Variants in PREX1 observed in about 807,000 individuals in gnomAD.
PREX1 encodes the protein phosphatidylinositol 3,4,5-trisphosphate-dependent Rac exchanger 1 protein.
In PREX1, 41 loss-of-function variants were observed where a neutral mutation model predicts 198.3. The ratio of observed to expected loss-of-function variants is 0.21; its 90% CI spans 0.16 to 0.27. The LOEUF is 0.27. Ranked by LOEUF, PREX1 falls within the 10% of genes least tolerant of loss-of-function variation. The probability of loss-of-function intolerance (pLI) is 1.00; values close to 1 mark genes in which losing one functional copy is unlikely to be tolerated. For synonymous variants in PREX1, 843 were observed against 887.2 expected, an observed-to-expected ratio of 0.95 and a Z score of 0.89; for missense variants, 1,620 against 2,200.7, an observed-to-expected ratio of 0.74 and a Z score of 5.28.
At chr20:48,876,030 C>T in the PREX1 span, among the ~76,000 whole-genome samples, 1 of 152,202 alleles carries the variant, frequency 6.6e-6, no homozygotes, top group African/African-American at 2.4e-5. Flanking sequence ...TCAGATGGTT[C>T]GTAATAACTT....
At chr20:48,832,244 G>A (rs558796771), upstream of PREX1, among the ~76,000 whole-genome samples, 94 of 152,192 alleles carry the variant, frequency 6.2e-4, no homozygotes, top group Middle Eastern at 0.014. Flanking sequence ...ATACCATTTC[G>A]TTTCTGTTAC....
chr20:48,639,038 G>A (rs1389381345), intron 30 of PREX1, among the ~76,000 whole-genome samples: 1 of 152,248 alleles, frequency 6.6e-6, no homozygotes, highest in African/African-American at 2.4e-5. Flanking sequence ...CACTGTCCTG[G>A]TCAAACATCT....
chr20:48,638,430 C>T (rs1183273858), intron 30 of PREX1, among the ~76,000 whole-genome samples: 1 of 152,212 alleles, frequency 6.6e-6, no homozygotes, highest in Non-Finnish European at 1.5e-5. Flanking sequence ...GCAAAAAAAG[C>T]TCAATTCTTC....
At chr20:48,775,202 G>C (rs775894221) in intron 1 of PREX1, among the ~76,000 whole-genome samples, 1 of 152,170 alleles carries the variant, frequency 6.6e-6, no homozygotes, top group Non-Finnish European at 1.5e-5. Flanking sequence ...ATGAACAAAA[G>C]AGATGAAGCT....
At chr20:48,645,598 G>A (rs1352978808) in intron 26 of PREX1, among the ~76,000 whole-genome samples, 1 of 152,180 alleles carries the variant, frequency 6.6e-6, no homozygotes, top group Non-Finnish European at 1.5e-5. Flanking sequence ...TGTGTGGGGT[G>A]ACACTGAGGC....
intron 5 of PREX1, among the ~76,000 whole-genome samples, chr20:48,720,006 T>A (rs2089978415): frequency 6.6e-6 from 1 of 152,110 alleles, no homozygotes; most frequent in Admixed American, 6.5e-5. Context: ...TCTCTCCCTA[T>A]CCTCTTCCTT....
chr20:48,709,469 G>A (rs959166271), intron 5 of PREX1, among the ~76,000 whole-genome samples: 1 of 152,210 alleles, frequency 6.6e-6, no homozygotes, highest in Non-Finnish European at 1.5e-5. Flanking sequence ...CCCGGGCCTC[G>A]GCTTCATCAT....
chr20:48,651,187 C>A lies in PREX1; in HGVS notation c.2656-132G>T. 5.4e-6 allele frequency: 7 copies of A among 1,296,506 alleles called. No individual in the cohort carries two copies. The South Asian group carries it at 1.0e-4, about 19-fold the overall frequency. The allele number at this position is 1,296,506 out of a possible 1,614,324, so 80.3% of individuals were successfully genotyped here. A position where few individuals can be genotyped will look rare whatever the true frequency, so the allele number is the denominator to read the frequency against. On this transcript the variant is annotated intron_variant, in intron 22 of 39. Coordinates refer to ENST00000371941, the MANE Select transcript of PREX1 (RefSeq NM_020820.4). ...AGGTGTGTTGCTGGCCCATATTGCA[C>A]GGGAGTAAACTGAGGCTAAAGGGAC...
intron 21 of PREX1, among the ~76,000 whole-genome samples, chr20:48,652,372 T>C (rs2089505621): frequency 6.6e-6 from 1 of 151,232 alleles, no homozygotes; most frequent in Admixed American, 6.6e-5. Context: ...CCAGGGAGGT[T>C]GGGGCTGCAG....
intron 27 of PREX1, 60 bp from the exon 28 acceptor site, chr20:48,642,549 A>C: frequency 7.0e-7 from 1 of 1,429,626 alleles, no homozygotes; most frequent in South Asian, 1.3e-5. Flanking sequence ...CACCATCCCC[A>C]GCACTTTCCT....
chr20:48,630,188 C>T (rs986121063), intron 36 of PREX1, among the ~76,000 whole-genome samples: 1 of 152,286 alleles, frequency 6.6e-6, no homozygotes, highest in African/African-American at 2.4e-5. Context: ...CCCTAGAAAA[C>T]CAGGAGGCCA....
chr20:48,790,836 G>A (rs904128580), intron 1 of PREX1, among the ~76,000 whole-genome samples: 6 of 152,028 alleles, frequency 3.9e-5, no homozygotes, highest in Non-Finnish European at 2.9e-5. Flanking sequence ...AGCCCTCAGT[G>A]CACTCAACAC....
chr20:48,804,642 G>A (rs1457830920), intron 1 of PREX1, among the ~76,000 whole-genome samples: 1 of 152,212 alleles, frequency 6.6e-6, no homozygotes, highest in Non-Finnish European at 1.5e-5. Flanking sequence ...GGTACATGTG[G>A]AGAACCAGGG....
At chr20:48,769,191 C>T (rs2090223029) in intron 1 of PREX1, among the ~76,000 whole-genome samples, 1 of 152,190 alleles carries the variant, frequency 6.6e-6, no homozygotes, top group Non-Finnish European at 1.5e-5. Context: ...TCGCTGCCTC[C>T]CAACCCTGCT....
chr20:48,642,274 C>T lies in PREX1; in HGVS notation c.3685-16G>A. On this transcript the variant is annotated splice_polypyrimidine_tract_variant and intron_variant, in intron 28 of 39. Coordinates refer to ENST00000371941, the MANE Select transcript of PREX1 (RefSeq NM_020820.4). The stretch of plus-strand genomic sequence containing the variant: ...TGGAGTCCACCTGGGTGGCAAGAAG[C>T]CTGGGGTTGGTTTGGGCCCCGTGGC... 1.2e-6 allele frequency: 2 copies of T among 1,613,792 alleles called. No homozygotes were observed. Among genetic ancestry groups the T allele is most frequent in the Non-Finnish European group, 1.7e-6 (2 of 1,179,678 alleles).
At chr20:48,814,599 G>A (rs528427430) in intron 1 of PREX1, among the ~76,000 whole-genome samples, 90 of 152,282 alleles carry the variant, frequency 5.9e-4, no homozygotes, top group African/African-American at 2.0e-3. Context: ...TGAACAAGGC[G>A]GGGAGATGAG....
Position 48,731,032 on chromosome 20 carries a change from C to G in PREX1, c.519+3514G>C, listed in dbSNP as rs952163537. On this transcript the variant is annotated intron_variant, in intron 4 of 39. Coordinates refer to ENST00000371941, the MANE Select transcript of PREX1 (RefSeq NM_020820.4). ...ACAAAACAAAACAAAAAATTTCAGA[C>G]TCTTTCCATTGACTAAATGCTCCTT... is the stretch of plus-strand genomic sequence containing the variant. Among the ~76,000 whole-genome samples, 3 of 152,052 alleles carry G rather than the reference C, an allele frequency of 2.0e-5. No homozygotes were observed. In the East Asian group the frequency reaches 5.8e-4, roughly 29 times the overall value.
At chr20:48,709,102 G>A (rs568986462) in intron 5 of PREX1, among the ~76,000 whole-genome samples, 4 of 152,192 alleles carry the variant, frequency 2.6e-5, no homozygotes, top group South Asian at 4.1e-4. Flanking sequence ...AGTCTTAATC[G>A]AACATTCCAG....
At chr20:48,881,488 A>ATT in the PREX1 span, among the ~76,000 whole-genome samples, 10 of 139,470 alleles carry the variant, frequency 7.2e-5, no homozygotes, top group African/African-American at 7.9e-5. Flanking sequence ...CATACAATTC[A>ATT]TTTTTTTTTT....
Sources: allele counts gnomAD v4.1 joint callset (sites outside exome capture counted in the v4.1 genomes callset), GRCh38; gene constraint gnomAD v4.1.1; transcripts MANE v1.5; gene names NCBI Gene and HGNC (gene_info 2026-07-23, HGNC 2026-07-21).